Variants in C16orf78 observed in about 807,000 individuals in gnomAD.
C16orf78 encodes uncharacterized protein C16orf78.
Under a neutral mutation model 27.3 loss-of-function variants are expected in C16orf78, and 19 were observed. The observed-to-expected ratio is 0.70, with a 90% CI of 0.49 to 1.02. The LOEUF is 1.02. Among genes scored for constraint, C16orf78 ranks in the 50% least tolerant of loss-of-function variants. The pLI is 0.00. For missense variants in C16orf78, 339 were observed against 337.0 expected (o/e 1.01, Z -0.05); for synonymous variants, 130 against 116.1 (o/e 1.12, Z -0.77).
intron 3 of C16orf78, among the ~76,000 whole-genome samples, chr16:49,381,456 C>T (rs1477494707): frequency 2.0e-5 from 3 of 152,160 alleles, no homozygotes. Context: ...GCAAAAGAAA[C>T]TACCATCAGA....
chr16:49,393,594 T>C (rs1965439261), intron 3 of C16orf78, among the ~76,000 whole-genome samples: 2 of 152,134 alleles, frequency 1.3e-5, no homozygotes, highest in African/African-American at 2.4e-5. Flanking sequence ...AGGCAAAACA[T>C]ATGCTCAGAA....
rs61605376 is a variant in C16orf78, at chr16:49,396,542, ACCTTCATAAGAG to A, written c.515_526del (p.Thr172_Asp176delinsAsn). 1,706 of 1,614,228 alleles carry A rather than the reference ACCTTCATAAGAG, an allele frequency of 1.1e-3. 17 individuals are homozygous for A. The African/African-American group carries it at 0.021, about 19-fold the overall frequency. On this transcript the variant is annotated inframe_deletion, in exon 4 of 5. Transcript: ENST00000299191. ...GGGTACCTTTAACAGCCAGAGGGCAACCTTCATAAGAGACTGGTCCAACAAGATGCCTGACAT... is the reference window on the plus strand; with the variant it reads ...GGGTACCTTTAACAGCCAGAGGGCAAACTGGTCCAACAAGATGCCTGACAT...
At chr16:49,384,676 T>C (rs1965326783) in intron 3 of C16orf78, among the ~76,000 whole-genome samples, 1 of 152,172 alleles carries the variant, frequency 6.6e-6, no homozygotes, top group East Asian at 1.9e-4. Flanking sequence ...GAGATGTACA[T>C]TAAGATTCAT....
At chr16:49,386,583 TC>T (rs1965354266) in intron 3 of C16orf78, among the ~76,000 whole-genome samples, 1 of 152,162 alleles carries the variant, frequency 6.6e-6, no homozygotes, top group African/African-American at 2.4e-5. Flanking sequence ...TTTTTCCTGA[TC>T]CTCTTCCTCC....
intron 3 of C16orf78, among the ~76,000 whole-genome samples, chr16:49,387,912 T>C (rs911004798): frequency 1.3e-5 from 2 of 152,198 alleles, no homozygotes; most frequent in Non-Finnish European, 2.9e-5. Context: ...CCTTTGTAGT[T>C]TTTAATTATG....
chr16:49,381,277 C>T (rs967212969), intron 3 of C16orf78, among the ~76,000 whole-genome samples: 5 of 152,148 alleles, frequency 3.3e-5, no homozygotes, highest in Non-Finnish European at 7.3e-5. Context: ...ATGGAATGTT[C>T]TTCCATTTGT....
chr16:49,377,652 G>A (rs1965235990), intron 1 of C16orf78, 79 bp from the exon 2 acceptor site: 2 of 1,531,540 alleles, frequency 1.3e-6, no homozygotes, highest in Non-Finnish European at 1.8e-6. Context: ...CCTCACCTGG[G>A]AGCCTTCTCC....
intron 4 of C16orf78, 92 bp from the exon 5 acceptor site, chr16:49,399,039 T>G: frequency 7.1e-7 from 1 of 1,399,372 alleles, no homozygotes; most frequent in Middle Eastern, 1.8e-4. Flanking sequence ...GCACCCACAC[T>G]TACTGCTGCT....
rs77598045 is a variant in C16orf78, at chr16:49,398,370, G to A, written c.651-761G>A. Among the ~76,000 whole-genome samples, 943 of 152,274 alleles carry A rather than the reference G, an allele frequency of 6.2e-3. 5 individuals carry two copies. Among genetic ancestry groups the A allele is most frequent in the Non-Finnish European group, 9.4e-3 (642 of 68,032 alleles). Reference sequence around the variant, plus strand: ...AGGTCAGAGTTGCTGGTAGAACAAGGAGCTCTCTGGATCACACAGTACAAA... The same window carrying A: ...AGGTCAGAGTTGCTGGTAGAACAAGAAGCTCTCTGGATCACACAGTACAAA... On this transcript the variant is annotated intron_variant, in intron 4 of 4. Coordinates refer to ENST00000299191, the MANE Select transcript of C16orf78 (RefSeq NM_144602.4).
intron 3 of C16orf78, 58 bp downstream of exon 3, chr16:49,378,651 A>G: frequency 6.2e-7 from 1 of 1,603,908 alleles, no homozygotes; most frequent in Non-Finnish European, 8.5e-7. Flanking sequence ...CTCCTCCTCT[A>G]GAAGAAACCG....
intron 3 of C16orf78, among the ~76,000 whole-genome samples, chr16:49,380,051 C>T (rs2151611330): frequency 6.6e-6 from 1 of 152,308 alleles, no homozygotes; most frequent in East Asian, 1.9e-4. Context: ...GTGCTGGATG[C>T]TTCCTGCCCT....
intron 3 of C16orf78, among the ~76,000 whole-genome samples, chr16:49,393,179 T>C (rs152666): frequency 0.045 from 6,842 of 152,188 alleles, 407 homozygotes; most frequent in African/African-American, 0.13. Flanking sequence ...ACCCGATACA[T>C]AGCCTTCCAA....
At chr16:49,374,166 C>G in intron 1 of C16orf78, 77 bp downstream of exon 1, 1 of 1,550,684 alleles carries the variant, frequency 6.4e-7, no homozygotes. Context: ...TTGAACTTAA[C>G]TCTCCTGAAA....
Position 49,378,596 on chromosome 16 carries a change from A to G in C16orf78, c.394+3A>G. On this transcript the variant is annotated splice_donor_region_variant and intron_variant, in intron 3 of 4. Coordinates refer to ENST00000299191, the MANE Select transcript of C16orf78 (RefSeq NM_144602.4). The stretch of plus-strand genomic sequence containing the variant: ...CAAGGATGGCCCCAAGAAATCTGGT[A>G]AGGGAAAAACCTTGGCCCCGGCCAC... The G allele has an allele frequency of 1.2e-6, 2 of 1,613,864 alleles. No homozygotes were observed. The highest frequency in any genetic ancestry group is 1.7e-6 in the Non-Finnish European group (2 of 1,179,916).
rs185650345 is a variant in C16orf78 at position 49,398,363 on chromosome 16, G to T, written c.651-768G>T. 3.3e-5 allele frequency among the ~76,000 whole-genome samples: 5 copies of T among 152,338 alleles called. No homozygotes were observed. The East Asian group carries it at 9.6e-4, about 29-fold the overall frequency. ...GGGACCAAGGTCAGAGTTGCTGGTAGAACAAGGAGCTCTCTGGATCACACA... is the reference window on the plus strand; with the variant it reads ...GGGACCAAGGTCAGAGTTGCTGGTATAACAAGGAGCTCTCTGGATCACACA... On this transcript the variant is annotated intron_variant, in intron 4 of 4. Transcript: ENST00000299191.
intron 3 of C16orf78, among the ~76,000 whole-genome samples, chr16:49,392,071 A>T (rs1463078367): frequency 1.3e-5 from 2 of 152,198 alleles, no homozygotes; most frequent in African/African-American, 2.4e-5. Flanking sequence ...GCATTTATGT[A>T]ATTGCAGGAG....
At chr16:49,392,623 A>G (rs1965426969) in intron 3 of C16orf78, among the ~76,000 whole-genome samples, 1 of 152,252 alleles carries the variant, frequency 6.6e-6, no homozygotes, top group Admixed American at 6.5e-5. Context: ...ATAGTAGGTA[A>G]ATAAATAAAA....
chr16:49,377,362 T>C (rs1401956887), intron 1 of C16orf78, among the ~76,000 whole-genome samples: 1 of 152,012 alleles, frequency 6.6e-6, no homozygotes, highest in Non-Finnish European at 1.5e-5. Context: ...AGCCTTCCTG[T>C]GACTCCACAC....
chr16:49,395,833 G>A (rs1354966234), intron 3 of C16orf78, among the ~76,000 whole-genome samples: 1 of 152,114 alleles, frequency 6.6e-6, no homozygotes, highest in Non-Finnish European at 1.5e-5. Flanking sequence ...AATTCCTGCT[G>A]GGGAGGATGG....
Sources: gnomAD v4.1 joint callset for allele counts (sites outside exome capture counted in the v4.1 genomes callset) on GRCh38, gnomAD v4.1.1 for gene constraint, MANE v1.5 for transcripts, NCBI Gene and HGNC (gene_info 2026-07-23, HGNC 2026-07-21) for gene names.